The following PCBP2 variants were observed in gnomAD, a reference collection of about 807,000 sequenced individuals.
The protein encoded by PCBP2 is poly(rC)-binding protein 2.
PCBP2 carries 4 observed loss-of-function variants against 50.1 expected under a neutral mutation model. The observed-to-expected ratio is 0.08, with a 90% confidence interval of 0.04 to 0.18. PCBP2 has a LOEUF of 0.18. Ranked by LOEUF, PCBP2 falls within the 10% of genes least tolerant of loss-of-function variation. The probability of loss-of-function intolerance (pLI) is 1.00; values close to 1 mark genes in which losing one functional copy is unlikely to be tolerated. For missense variants in PCBP2, 161 were observed against 474.3 expected, an observed-to-expected ratio of 0.34 and a Z score of 6.14; for synonymous variants, 179 against 168.0, an observed-to-expected ratio of 1.07 and a Z score of -0.51.
At chr12:53,471,925 T>C (rs963486196) in intron 14 of PCBP2, 118 bp downstream of exon 14, 1 of 249,668 alleles carries the variant, frequency 4.0e-6, no homozygotes, top group Non-Finnish European at 6.4e-6. Flanking sequence ...GGCCAAAAGG[T>C]TTTTTTTTTT....
chr12:53,479,671 G>GTTTTTTTTTTTTTTGGT lies in PCBP2; in HGVS notation c.*241_*242insTTGGTTTTTTTTTTTTT, dbSNP rs879244280. ...ATTTAGTTTTATAAGCTTCTCCCTG[G>GTTTTTTTTTTTTTTGGT]TTTTTTTTTTTTGGCTCATGAATTT... is the stretch of plus-strand genomic sequence containing the variant. On this transcript the variant is annotated 3_prime_UTR_variant, in exon 15 of 15. Transcript: ENST00000546463. The GTTTTTTTTTTTTTTGGT allele has an allele frequency of 9.4e-4, 195 of 206,604 alleles. No individual in the cohort carries two copies. Among genetic ancestry groups the GTTTTTTTTTTTTTTGGT allele is most frequent in the African/African-American group, 2.3e-3 (85 of 37,722 alleles). The allele number at this position is 206,604 out of a possible 1,614,324, so 12.8% of individuals were successfully genotyped here.
Position 53,468,118 on chromosome 12 carries a change from T to A in PCBP2, c.826+275T>A, listed in dbSNP as rs1941944245. The A allele has an allele frequency of 1.0e-5, 4 of 398,270 alleles. No individual in the cohort carries two copies. The East Asian group carries it at 1.5e-4, about 15-fold the overall frequency. 24.7% of individuals were successfully genotyped at this position (398,270 alleles called of 1,614,324 possible). ...GGTTCAGTCCAGGTGTTGTTAAAGA[T>A]GGGTACGGGTATTTGCTGATGGGAT... On this transcript the variant is annotated intron_variant, in intron 12 of 14. Transcript: ENST00000546463.
rs1051257224 is a variant in PCBP2 at position 53,468,120 on chromosome 12, G to C, written c.826+277G>C. On this transcript the variant is annotated intron_variant, in intron 12 of 14. Transcript: ENST00000546463. The stretch of plus-strand genomic sequence containing the variant: ...TTCAGTCCAGGTGTTGTTAAAGATG[G>C]GTACGGGTATTTGCTGATGGGATTT... 1.6e-5 allele frequency: 6 copies of C among 374,278 alleles called. 1 individual carries two copies. The highest frequency in any genetic ancestry group is 1.7e-4 in the South Asian group (2 of 11,762). The allele number at this position is 374,278 out of a possible 1,614,324, so 23.2% of individuals were successfully genotyped here.
At chr12:53,468,917 CTTT>C (rs5798266) in intron 13 of PCBP2, 85 bp downstream of exon 13, 970 of 572,196 alleles carry the variant, frequency 1.7e-3, no homozygotes, top group Admixed American at 2.4e-3. Flanking sequence ...TCCTGCTACC[CTTT>C]TTTTTTTTTT....
At chr12:53,469,992 C>A (rs538437801) in intron 13 of PCBP2, among the ~76,000 whole-genome samples, 1 of 152,022 alleles carries the variant, frequency 6.6e-6, no homozygotes, top group Non-Finnish European at 1.5e-5. Context: ...GTGATCCCCC[C>A]CCTTCAGCCT....
At position 53,469,708 on chromosome 12, in the gene PCBP2, C is replaced by A. The variant is rs144351255; in HGVS notation, c.882+876C>A. ...CGCCATCGCACTCCAGCCTGGGCAA[C>A]AAGAGCGAAACTCCATTTCAAAAAA... On this transcript the variant is annotated intron_variant, in intron 13 of 14. Coordinates refer to ENST00000546463, the MANE Select transcript of PCBP2 (RefSeq NM_031989.5). 4.1e-4 allele frequency among the ~76,000 whole-genome samples: 61 copies of A among 150,054 alleles called. No individual in the cohort carries two copies. The East Asian group carries it at 9.4e-3, about 23-fold the overall frequency.
At chr12:53,460,805 ATTC>A (rs1389051321) in intron 6 of PCBP2, 2 of 465,076 alleles carry the variant, frequency 4.3e-6, no homozygotes, top group African/African-American at 2.0e-5. Context: ...ATTCACGCTT[ATTC>A]TTGTCTTTCA....
chr12:53,457,356 A>ATTTATTTT (rs1052785169), intron 5 of PCBP2, among the ~76,000 whole-genome samples: 6 of 149,892 alleles, frequency 4.0e-5, no homozygotes, highest in African/African-American at 7.4e-5. Flanking sequence ...CCAGCCTGGA[A>ATTTATTTT]TTTATTTTTT....
At chr12:53,470,691 C>T (rs1365182773) in intron 13 of PCBP2, among the ~76,000 whole-genome samples, 1 of 151,560 alleles carries the variant, frequency 6.6e-6, no homozygotes, top group East Asian at 1.9e-4. Flanking sequence ...TGTAGTGGTT[C>T]ATGAACATCA....
intron 13 of PCBP2, among the ~76,000 whole-genome samples, chr12:53,470,378 C>CAAAAAA (rs754350790): frequency 2.0e-3 from 95 of 47,360 alleles, no homozygotes; most frequent in African/African-American, 9.5e-3. Flanking sequence ...CTCCGTCTCT[C>CAAAAAA]AAAAAAAAAA....
chr12:53,465,914 GT>G lies in PCBP2; in HGVS notation c.673-14del. 6.2e-7 allele frequency: 1 copy of G among 1,607,936 alleles called. No homozygotes were observed. The highest frequency in any genetic ancestry group is 8.5e-7 in the Non-Finnish European group (1 of 1,175,112). On this transcript the variant is annotated splice_polypyrimidine_tract_variant and intron_variant, in intron 9 of 14. Transcript: ENST00000546463. ...CCGTGATTGGTTTTTAATAGGAACT[GT>G]TTTCCTCCTTTTGTAGGCCTATACC...
chr12:53,481,022 T>TATCA lies in PCBP2; in HGVS notation c.*1581_*1584dup, dbSNP rs1011545718. The TATCA allele has an allele frequency of 1.9e-4, 41 of 220,396 alleles. No individual in the cohort carries two copies. The highest frequency in any genetic ancestry group is 9.3e-4 in the African/African-American group (40 of 43,020). 13.7% of individuals were successfully genotyped at this position (220,396 alleles called of 1,614,324 possible). A position where few individuals can be genotyped will look rare whatever the true frequency, so the allele number is the denominator to read the frequency against. On this transcript the variant is annotated 3_prime_UTR_variant, in exon 15 of 15. Transcript: ENST00000546463. Reference sequence around the variant, plus strand: ...CACAGCTGCCAGTGTCCCTAGAGTTTATCAGGTGAATTGGTCAGGGGATCA... The same window carrying TATCA: ...CACAGCTGCCAGTGTCCCTAGAGTTTATCAATCAGGTGAATTGGTCAGGGGATCA...
rs1431563392 is a variant in PCBP2 at position 53,462,707 on chromosome 12, T to C, written c.579+140T>C. The C allele has an allele frequency of 9.8e-6, 6 of 612,910 alleles. 1 individual carries two copies. Among genetic ancestry groups the C allele is most frequent in the Non-Finnish European group, 1.7e-5 (6 of 362,632 alleles). The allele number at this position is 612,910 out of a possible 1,614,324, so 38.0% of individuals were successfully genotyped here. A position where few individuals can be genotyped will look rare whatever the true frequency, so the allele number is the denominator to read the frequency against. On this transcript the variant is annotated intron_variant, in intron 8 of 14. Transcript: ENST00000546463. The stretch of plus-strand genomic sequence containing the variant: ...ATAGTTTGACCGGCTTTTAGTTTTA[T>C]TTTTGTACTGGAGAAAGCTGAATGC...
intron 14 of PCBP2, 134 bp from the exon 15 acceptor site, chr12:53,479,272 T>C (rs1331424602): frequency 1.3e-6 from 1 of 774,156 alleles, no homozygotes; most frequent in Non-Finnish European, 2.2e-6. Flanking sequence ...TACTGGTAAA[T>C]TTAAGAAACC....
chr12:53,472,172 T>A (rs531202478), intron 14 of PCBP2, among the ~76,000 whole-genome samples: 1 of 152,254 alleles, frequency 6.6e-6, no homozygotes, highest in South Asian at 2.1e-4. Context: ...CTGATTTGAT[T>A]TGGAGTCCAA....
intron 5 of PCBP2, among the ~76,000 whole-genome samples, chr12:53,458,897 C>T (rs911999058): frequency 2.6e-5 from 4 of 152,172 alleles, no homozygotes; most frequent in Non-Finnish European, 5.9e-5. Flanking sequence ...GCTTCAGCTT[C>T]CCAAAGTGCT....
In PCBP2 at chr12:53,479,671, G is replaced by GTTTTTTTTTTTTTTTTGGT. The variant is rs879244280; in HGVS notation, c.*241_*242insTTTTGGTTTTTTTTTTTTT. 8.9e-4 allele frequency: 184 copies of GTTTTTTTTTTTTTTTTGGT among 206,452 alleles called. No homozygotes were observed. Among genetic ancestry groups the GTTTTTTTTTTTTTTTTGGT allele is most frequent in the Middle Eastern group, 6.2e-3 (4 of 644 alleles). 12.8% of individuals were successfully genotyped at this position (206,452 alleles called of 1,614,324 possible). A position where few individuals can be genotyped will look rare whatever the true frequency, so the allele number is the denominator to read the frequency against. On this transcript the variant is annotated 3_prime_UTR_variant, in exon 15 of 15. Transcript: ENST00000546463. ...ATTTAGTTTTATAAGCTTCTCCCTG[G>GTTTTTTTTTTTTTTTTGGT]TTTTTTTTTTTTGGCTCATGAATTT...
intron 13 of PCBP2, 53 bp from the exon 14 acceptor site, chr12:53,471,585 A>T: frequency 6.6e-7 from 1 of 1,510,792 alleles, no homozygotes; most frequent in Non-Finnish European, 8.9e-7. Flanking sequence ...GGATTCTTAG[A>T]CCTAGCCATG....
intron 13 of PCBP2, 114 bp downstream of exon 13, chr12:53,468,946 A>G: frequency 4.1e-6 from 3 of 737,674 alleles, no homozygotes; most frequent in Non-Finnish European, 6.6e-6. Flanking sequence ...TAAACAGCCC[A>G]GGCTGTAGTG....
Sources: allele counts gnomAD v4.1 joint callset (sites outside exome capture counted in the v4.1 genomes callset), GRCh38; gene constraint gnomAD v4.1.1; transcripts MANE v1.5; gene names NCBI Gene and HGNC (gene_info 2026-07-23, HGNC 2026-07-21).